Variants in SCUBE1 observed in about 807,000 individuals in gnomAD.
The protein encoded by SCUBE1 is signal peptide, CUB and EGF-like domain-containing protein 1.
Under a neutral mutation model 124.4 loss-of-function variants are expected in SCUBE1, and 59 were observed. That is an observed-to-expected ratio of 0.47 (90% CI 0.38 to 0.59). The LOEUF (loss-of-function observed/expected upper bound fraction) is 0.59. SCUBE1 is among the 20% of genes least tolerant of loss of function. The pLI is 0.00. For missense variants in SCUBE1, 1,150 were observed against 1,371.2 expected, an observed-to-expected ratio of 0.84 and a Z score of 2.55; for synonymous variants, 545 against 550.9, an observed-to-expected ratio of 0.99 and a Z score of 0.15.
chr22:43,272,487 G>C (rs1015018387), intron 4 of SCUBE1: 1 of 152,208 alleles, frequency 6.6e-6, no homozygotes, highest in Non-Finnish European at 1.5e-5. Flanking sequence ...CGCCTTCCAC[G>C]TTCAACTGCT....
At chr22:43,269,604 G>C (rs1193589587) in intron 4 of SCUBE1, among the ~76,000 whole-genome samples, 1 of 152,142 alleles carries the variant, frequency 6.6e-6, no homozygotes, top group Non-Finnish European at 1.5e-5. Flanking sequence ...AGAGCAGGGA[G>C]AAAAGAACAA....
In SCUBE1 at chr22:43,237,954, G is replaced by A. The variant is rs141542020; in HGVS notation, c.844+884C>T. On this transcript the variant is annotated intron_variant, in intron 7 of 21. Coordinates refer to ENST00000360835, the MANE Select transcript of SCUBE1 (RefSeq NM_173050.5). ...CTCACCCTTCTGCACAGAGGGCTCC[G>A]GCACTCAGGCCTAACACCCTGCCCC... 3.2e-3 allele frequency: 487 copies of A among 152,484 alleles called. 3 individuals carry two copies. The highest frequency in any genetic ancestry group is 0.01 in the Middle Eastern group (3 of 294). 9.4% of individuals were successfully genotyped at this position (152,484 alleles called of 1,614,324 possible). A position where few individuals can be genotyped will look rare whatever the true frequency, so the allele number is the denominator to read the frequency against.
Position 43,255,670 on chromosome 22 carries a change from C to T in SCUBE1, c.727+2549G>A, listed in dbSNP as rs1007365420. Reference sequence around the variant, plus strand: ...ACAGTCAGCCTCTCGGCGTGGCGCACGCAAAGCCAACACAACACGCCGGCC... The same window carrying T: ...ACAGTCAGCCTCTCGGCGTGGCGCATGCAAAGCCAACACAACACGCCGGCC... On this transcript the variant is annotated intron_variant, in intron 6 of 21. Coordinates refer to ENST00000360835, the MANE Select transcript of SCUBE1 (RefSeq NM_173050.5). This position sits in a 1 kb window ranked among gnomAD's most constrained non-coding sequence, Gnocchi z 4.7. The T allele has an allele frequency of 1.6e-4, 179 of 1,114,460 alleles. 2 individuals carry two copies. The highest frequency in any genetic ancestry group is 1.7e-4 in the Non-Finnish European group (129 of 757,702). 69.0% of individuals were successfully genotyped at this position (1,114,460 alleles called of 1,614,324 possible).
Position 43,262,290 on chromosome 22 carries a change from T to C in SCUBE1, c.610+430A>G, listed in dbSNP as rs182116326. ...ACTATAGGTGTGCAGAGTTCTGATC[T>C]TTGGTCCCGGAAAAAAGGTCAGCAC... is the stretch of plus-strand genomic sequence containing the variant. On this transcript the variant is annotated intron_variant, in intron 5 of 21. Transcript: ENST00000360835. 4.9e-3 allele frequency among the ~76,000 whole-genome samples: 747 copies of C among 152,324 alleles called. 2 individuals carry two copies. The highest frequency in any genetic ancestry group is 7.9e-3 in the Non-Finnish European group (534 of 68,016).
At chr22:43,339,580 A>G (rs1927200326) in intron 1 of SCUBE1, among the ~76,000 whole-genome samples, 1 of 150,856 alleles carries the variant, frequency 6.6e-6, no homozygotes, top group Admixed American at 6.6e-5. Context: ...CCCAACAAGC[A>G]TCACTCCAGC....
At chr22:43,323,588 A>ATC (rs1926628198) in intron 2 of SCUBE1, among the ~76,000 whole-genome samples, 1 of 148,604 alleles carries the variant, frequency 6.7e-6, no homozygotes, top group Non-Finnish European at 1.5e-5. Flanking sequence ...ACCCATCCAA[A>ATC]CATCCATCCA....
intron 3 of SCUBE1, among the ~76,000 whole-genome samples, chr22:43,291,972 T>A (rs1925378253): frequency 6.6e-6 from 1 of 151,888 alleles, no homozygotes; most frequent in Non-Finnish European, 1.5e-5. Flanking sequence ...AAACCTCAGC[T>A]CTCAGTGACG....
intron 14 of SCUBE1, among the ~76,000 whole-genome samples, 194 bp from the exon 15 acceptor site, chr22:43,218,652 G>T (rs5759221): frequency 0.28 from 42,082 of 152,168 alleles, 7,305 homozygotes; most frequent in East Asian, 0.52. Flanking sequence ...CTGGGAGGCA[G>T]GGCCTGCCCA....
intron 3 of SCUBE1, among the ~76,000 whole-genome samples, chr22:43,298,393 T>C (rs1215899374): frequency 6.6e-6 from 1 of 152,218 alleles, no homozygotes; most frequent in African/African-American, 2.4e-5. Context: ...AGCCAACCTC[T>C]TGGCCTGGGC....
chr22:43,267,598 CAGCACT>C (rs926882519), intron 4 of SCUBE1, among the ~76,000 whole-genome samples: 77 of 152,310 alleles, frequency 5.1e-4, no homozygotes, highest in African/African-American at 1.8e-3. Flanking sequence ...GAAGAGACCC[CAGCACT>C]AGCAGGGTCT....
intron 4 of SCUBE1, among the ~76,000 whole-genome samples, chr22:43,275,757 G>A (rs73886555): frequency 0.02 from 3,098 of 152,324 alleles, 36 homozygotes; most frequent in African/African-American, 0.038. Flanking sequence ...TAAAGGGCAC[G>A]TGTGCCGTAA....
intron 4 of SCUBE1, among the ~76,000 whole-genome samples, chr22:43,263,232 AC>A (rs1393912959): frequency 2.0e-5 from 3 of 151,558 alleles, no homozygotes; most frequent in Non-Finnish European, 2.9e-5. Flanking sequence ...GTTCTAGGGT[AC>A]CCCCCACCCG....
At chr22:43,261,845 C>T (rs1353795264) in intron 5 of SCUBE1, among the ~76,000 whole-genome samples, 2 of 152,228 alleles carry the variant, frequency 1.3e-5, no homozygotes, top group African/African-American at 4.8e-5. Flanking sequence ...AATATGACAT[C>T]GCTTTGGGTA....
At chr22:43,252,875 A>T (rs1177873772) in intron 6 of SCUBE1, among the ~76,000 whole-genome samples, 1 of 147,002 alleles carries the variant, frequency 6.8e-6, no homozygotes, top group Non-Finnish European at 1.5e-5. Context: ...GCAGGATGGG[A>T]ACGGTCACCT....
chr22:43,334,617 A>G (rs1438245747), intron 2 of SCUBE1, among the ~76,000 whole-genome samples: 1 of 136,064 alleles, frequency 7.3e-6, no homozygotes, highest in Non-Finnish European at 1.7e-5. Flanking sequence ...CAACATTATC[A>G]TCACCACCAT....
chr22:43,308,423 A>G (rs1347374899), intron 3 of SCUBE1, among the ~76,000 whole-genome samples: 1 of 152,256 alleles, frequency 6.6e-6, no homozygotes, highest in Non-Finnish European at 1.5e-5. Context: ...TGGAGTAAGT[A>G]TATGACTGTC....
chr22:43,265,894 A>G (rs1219447129), intron 4 of SCUBE1, among the ~76,000 whole-genome samples: 1 of 152,190 alleles, frequency 6.6e-6, no homozygotes, highest in Non-Finnish European at 1.5e-5. Flanking sequence ...TGAGGTCAGG[A>G]GCTCGAGACT....
chr22:43,219,492 T>TTTC (rs1192255418), intron 14 of SCUBE1, among the ~76,000 whole-genome samples: 1 of 141,248 alleles, frequency 7.1e-6, no homozygotes, highest in Admixed American at 6.9e-5. Flanking sequence ...TTTTTTTTTT[T>TTTC]TGAGATAGAG....
At chr22:43,326,867 G>A (rs1244919001) in intron 2 of SCUBE1, among the ~76,000 whole-genome samples, 1 of 151,988 alleles carries the variant, frequency 6.6e-6, no homozygotes, top group East Asian at 1.9e-4. Context: ...ACTCACCTCT[G>A]CATCCTGAGC....
Sources: allele counts gnomAD v4.1 joint callset (sites outside exome capture counted in the v4.1 genomes callset), GRCh38; gene constraint gnomAD v4.1.1; non-coding constraint Gnocchi (gnomAD v3.1); transcripts MANE v1.5; gene names NCBI Gene and HGNC (gene_info 2026-07-23, HGNC 2026-07-21).